FHIT: variants seen among roughly 807,000 people sequenced by gnomAD.
FHIT encodes the protein fragile histidine triad diadenosine triphosphatase.
Under a neutral mutation model 17.9 loss-of-function variants are expected in FHIT, and 19 were observed. The ratio of observed to expected loss-of-function variants is 1.06; its 90% CI spans 0.74 to 1.56. The LOEUF (loss-of-function observed/expected upper bound fraction) is 1.56, where lower values mean the gene tolerates loss of function less well. Among genes scored for constraint, FHIT ranks in the 40% most tolerant of loss-of-function variants. FHIT has a pLI of 0.00. For missense variants in FHIT, 248 were observed against 189.2 expected, an observed-to-expected ratio of 1.31 and a Z score of -1.82; for synonymous variants, 81 against 69.7, an observed-to-expected ratio of 1.16 and a Z score of -0.81.
intron 5 of FHIT, among the ~76,000 whole-genome samples, chr3:60,022,679 T>G (rs1333082231): frequency 6.6e-6 from 1 of 152,198 alleles, no homozygotes; most frequent in African/African-American, 2.4e-5. Context: ...CAGCAGCATG[T>G]TGAAGAGGAT....
chr3:60,442,627 T>C (rs2030988592), intron 5 of FHIT, among the ~76,000 whole-genome samples: 1 of 152,162 alleles, frequency 6.6e-6, no homozygotes, highest in Non-Finnish European at 1.5e-5. Flanking sequence ...GTCCCATTGG[T>C]CTATATCTCT....
intron 3 of FHIT, among the ~76,000 whole-genome samples, chr3:61,011,570 C>G (rs1292517432): frequency 1.3e-5 from 2 of 152,044 alleles, no homozygotes; most frequent in African/African-American, 2.4e-5. Flanking sequence ...ATAAAGTCTT[C>G]CAACTGGAGT....
At chr3:60,569,474 CACT>C (rs1371833159) in intron 4 of FHIT, among the ~76,000 whole-genome samples, 1 of 151,902 alleles carries the variant, frequency 6.6e-6, no homozygotes, top group Non-Finnish European at 1.5e-5. Flanking sequence ...GGAAATCCAT[CACT>C]ACTACTCCAA....
chr3:60,418,851 T>C (rs144038682), intron 5 of FHIT, among the ~76,000 whole-genome samples: 59 of 152,238 alleles, frequency 3.9e-4, no homozygotes, highest in Admixed American at 6.5e-4. Context: ...TTAGATAGCA[T>C]ATTATGATGC....
intron 3 of FHIT, among the ~76,000 whole-genome samples, chr3:60,909,498 G>C (rs1553765348): frequency 6.6e-6 from 1 of 152,068 alleles, no homozygotes; most frequent in East Asian, 1.9e-4. Context: ...GCAGTATTGT[G>C]ATGTGGTTCT....
intron 3 of FHIT, among the ~76,000 whole-genome samples, chr3:60,841,970 T>C (rs782778647): frequency 6.6e-6 from 1 of 152,208 alleles, no homozygotes; most frequent in East Asian, 1.9e-4. Flanking sequence ...GGCTGAGGCC[T>C]TTAGATGTGA....
At chr3:60,775,687 C>T (rs1035672641) in intron 4 of FHIT, among the ~76,000 whole-genome samples, 2 of 152,212 alleles carry the variant, frequency 1.3e-5, no homozygotes. Flanking sequence ...AATTCTTTTT[C>T]CCTCTCCCTT....
At chr3:60,471,945 AT>A (rs754766737) in intron 5 of FHIT, among the ~76,000 whole-genome samples, 1 of 152,182 alleles carries the variant, frequency 6.6e-6, no homozygotes, top group Non-Finnish European at 1.5e-5. Context: ...GAATGATCAT[AT>A]TTTTAATAAC....
chr3:60,947,559 G>A (rs1251357761), intron 3 of FHIT, among the ~76,000 whole-genome samples: 1 of 152,158 alleles, frequency 6.6e-6, no homozygotes, highest in Non-Finnish European at 1.5e-5. Flanking sequence ...TGAAGTAAAA[G>A]TATTCTAATT....
intron 7 of FHIT, among the ~76,000 whole-genome samples, chr3:59,957,124 A>T (rs1271929175): frequency 6.6e-6 from 1 of 152,168 alleles, no homozygotes; most frequent in African/African-American, 2.4e-5. Flanking sequence ...TATTATGTTG[A>T]AGCCCTCATC....
intron 4 of FHIT, among the ~76,000 whole-genome samples, chr3:60,541,729 A>G (rs1180201728): frequency 1.3e-5 from 2 of 152,216 alleles, no homozygotes; most frequent in African/African-American, 4.8e-5. Flanking sequence ...AGCTGGCTTG[A>G]TGTGAGAGCC....
intron 7 of FHIT, among the ~76,000 whole-genome samples, chr3:59,983,472 G>A (rs1362400528): frequency 6.6e-6 from 1 of 152,012 alleles, no homozygotes; most frequent in Non-Finnish European, 1.5e-5. Flanking sequence ...CAATATATTG[G>A]TATAGTTGTA....
rs1488047526 is a variant in FHIT at position 59,970,837 on chromosome 3, CA to C, written c.279+40533del. Among the ~76,000 whole-genome samples, 99 of 65,288 alleles carry C rather than the reference CA, an allele frequency of 1.5e-3. 1 individual carries two copies. The highest frequency in any genetic ancestry group is 3.8e-3 in the African/African-American group (91 of 24,050). 42.8% of individuals were successfully genotyped at this position (65,288 alleles called of 152,430 possible). ...AAAAACCTGCACGTCCCACTCCAGC[CA>C]TTTTTTTTTTTTTCATTTCTAAAAT... On this transcript the variant is annotated intron_variant, in intron 7 of 9. Coordinates refer to ENST00000492590, the MANE Select transcript of FHIT (RefSeq NM_002012.4).
In FHIT at chr3:60,842,601, G is replaced by GTA. The variant is rs1244347300; in HGVS notation, c.-110-20592_-110-20591dup. 9.3e-4 allele frequency among the ~76,000 whole-genome samples: 111 copies of GTA among 119,630 alleles called. 4 individuals are homozygous for GTA. Among genetic ancestry groups the GTA allele is most frequent in the Admixed American group, 2.1e-3 (24 of 11,694 alleles). 78.5% of individuals were successfully genotyped at this position (119,630 alleles called of 152,430 possible). On this transcript the variant is annotated intron_variant, in intron 3 of 9. Coordinates refer to ENST00000492590, the MANE Select transcript of FHIT (RefSeq NM_002012.4). ...AAGAACCTAGAGAAATTAAATGAGT[G>GTA]TATATATATATACATATATATATGA...
chr3:60,759,312 ATGG>A (rs1699553882), intron 4 of FHIT, among the ~76,000 whole-genome samples: 1 of 152,214 alleles, frequency 6.6e-6, no homozygotes, highest in Non-Finnish European at 1.5e-5. Context: ...TAGAGCAAAG[ATGG>A]TGACTTAGAC....
intron 5 of FHIT, among the ~76,000 whole-genome samples, chr3:60,237,638 A>G (rs1704875097): frequency 6.6e-6 from 1 of 152,114 alleles, no homozygotes; most frequent in Admixed American, 6.5e-5. Context: ...TGATTCCACA[A>G]AGCGCTCCAC....
Position 60,976,312 on chromosome 3 carries a change from G to A in FHIT, c.-111+65735C>T, listed in dbSNP as rs191513101. ...AGTAGAGACAGGGTTTTACCACGTT[G>A]GCCAGGCTAATCTTGCACTCCTGAC... On this transcript the variant is annotated intron_variant, in intron 3 of 9. Transcript: ENST00000492590. 2.1e-3 allele frequency among the ~76,000 whole-genome samples: 318 copies of A among 151,618 alleles called. 5 individuals carry two copies. Among genetic ancestry groups the A allele is most frequent in the Admixed American group, 0.018 (273 of 15,214 alleles).
At chr3:60,179,930 GGA>G (rs1356728793) in intron 5 of FHIT, among the ~76,000 whole-genome samples, 1 of 152,146 alleles carries the variant, frequency 6.6e-6, no homozygotes, top group Non-Finnish European at 1.5e-5. Context: ...GATTCAAGAT[GGA>G]ATCTGAATGA....
intron 4 of FHIT, among the ~76,000 whole-genome samples, chr3:60,667,502 A>G (rs2040407872): frequency 6.6e-6 from 1 of 151,730 alleles, no homozygotes; most frequent in Non-Finnish European, 1.5e-5. Flanking sequence ...AATATTTTCT[A>G]TTTTAAAAAA....
Sources: allele counts gnomAD v4.1 joint callset (sites outside exome capture counted in the v4.1 genomes callset), GRCh38; gene constraint gnomAD v4.1.1; transcripts MANE v1.5; gene names NCBI Gene and HGNC (gene_info 2026-07-23, HGNC 2026-07-21).